The following SLC2A1 variants were observed in gnomAD, a reference collection of about 807,000 sequenced individuals.
The protein encoded by SLC2A1 is solute carrier family 2 member 1.
In SLC2A1, 4 loss-of-function variants were observed where a neutral mutation model predicts 46.6. That is an observed-to-expected ratio of 0.09 (90% confidence interval 0.04 to 0.20). The LOEUF (loss-of-function observed/expected upper bound fraction) is 0.20, where lower values mean the gene tolerates loss of function less well. Ranked by LOEUF, SLC2A1 falls within the 10% of genes least tolerant of loss-of-function variation. The pLI, the probability that SLC2A1 is intolerant of heterozygous loss-of-function variation, is 1.00. For synonymous variants in SLC2A1, 253 were observed against 270.0 expected (o/e 0.94, Z 0.62); for missense variants, 352 against 667.0 (o/e 0.53, Z 5.20).
At chr1:42,953,683 C>A (rs3768043) in intron 1 of SLC2A1, among the ~76,000 whole-genome samples, 95,557 of 152,062 alleles carry the variant, frequency 0.63, 32,907 homozygotes, top group Non-Finnish European at 0.78. Context: ...AGCTGGATGG[C>A]TGTACCCTTG....
intron 2 of SLC2A1, among the ~76,000 whole-genome samples, chr1:42,933,122 G>A (rs1018649568): frequency 6.6e-6 from 1 of 152,190 alleles, no homozygotes; most frequent in South Asian, 2.1e-4. Context: ...TCACAGTGCT[G>A]CAGGGAATCA....
intron 1 of SLC2A1, 149 bp from the exon 2 acceptor site, chr1:42,943,470 C>T (rs938204832): frequency 1.1e-5 from 8 of 726,278 alleles, no homozygotes; most frequent in African/African-American, 1.0e-4. Context: ...TGGCCAATTC[C>T]TGACCTTAGG....
intron 2 of SLC2A1, among the ~76,000 whole-genome samples, chr1:42,939,066 C>T (rs1643570922): frequency 1.3e-5 from 2 of 152,278 alleles, no homozygotes; most frequent in African/African-American, 4.8e-5. Flanking sequence ...GCATCTGGCA[C>T]AGCGTGGATG....
At chr1:42,941,151 C>T (rs558212880) in intron 2 of SLC2A1, among the ~76,000 whole-genome samples, 2 of 152,176 alleles carry the variant, frequency 1.3e-5, no homozygotes, top group African/African-American at 4.8e-5. Flanking sequence ...TAAGTCCGCC[C>T]CTCCATACCA....
At chr1:42,939,952 CAAAA>C (rs33944767) in intron 2 of SLC2A1, among the ~76,000 whole-genome samples, 5,765 of 91,582 alleles carry the variant, frequency 0.063, 549 homozygotes, top group African/African-American at 0.22. Flanking sequence ...GACTCCGTCT[CAAAA>C]AAAAAAAAAA....
At chr1:42,944,734 G>T (rs977736029) in intron 1 of SLC2A1, among the ~76,000 whole-genome samples, 18 of 152,200 alleles carry the variant, frequency 1.2e-4, no homozygotes, top group African/African-American at 4.3e-4. Flanking sequence ...AGCCCCCTCT[G>T]TGTGTGCGCT....
At chr1:42,946,074 C>T (rs1643652117) in intron 1 of SLC2A1, among the ~76,000 whole-genome samples, 1 of 152,108 alleles carries the variant, frequency 6.6e-6, no homozygotes, top group Admixed American at 6.5e-5. Flanking sequence ...TATCACAGGC[C>T]CTGTTTTACT....
intron 2 of SLC2A1, among the ~76,000 whole-genome samples, chr1:42,940,731 G>A (rs1031483050): frequency 2.6e-5 from 4 of 152,132 alleles, no homozygotes; most frequent in Non-Finnish European, 5.9e-5. Context: ...TACAGCGTGA[G>A]CCACATGCCC....
At chr1:42,953,844 G>T (rs2124473444) in intron 1 of SLC2A1, among the ~76,000 whole-genome samples, 1 of 152,344 alleles carries the variant, frequency 6.6e-6, no homozygotes, top group Middle Eastern at 3.4e-3. Context: ...CTCGGTACTA[G>T]ACAAGGATCA....
chr1:42,948,788 G>A (rs561376704), intron 1 of SLC2A1, among the ~76,000 whole-genome samples: 18 of 152,054 alleles, frequency 1.2e-4, no homozygotes, highest in Non-Finnish European at 1.0e-4. Flanking sequence ...AGTTGGAGCC[G>A]GGCACGGTGG....
At chr1:42,950,343 C>T (rs1056306377) in intron 1 of SLC2A1, among the ~76,000 whole-genome samples, 5 of 152,344 alleles carry the variant, frequency 3.3e-5, no homozygotes, top group East Asian at 1.9e-4. Flanking sequence ...AAAAGTTGAT[C>T]GGCCTCTGCT....
intron 1 of SLC2A1, among the ~76,000 whole-genome samples, chr1:42,947,640 T>A (rs558551319): frequency 1.4e-5 from 2 of 145,798 alleles, no homozygotes; most frequent in Non-Finnish European, 3.0e-5. Context: ...CTGTATCACC[T>A]GAGCCTGGGA....
At position 42,954,662 on chromosome 1, in the gene SLC2A1, C is replaced by T. The variant is rs895057871; in HGVS notation, c.18+3972G>A. Among the ~76,000 whole-genome samples, 2 of 152,182 alleles carry T rather than the reference C, an allele frequency of 1.3e-5. No homozygotes were observed. Among genetic ancestry groups the T allele is most frequent in the Non-Finnish European group, 2.9e-5 (2 of 68,022 alleles). ...GAGGGCTGGGCCATGGCTGGAAGGC[C>T]CCTCCTGCTCTGGGTTCCTTCCACC... On this transcript the variant is annotated intron_variant, in intron 1 of 9. Transcript: ENST00000426263. The surrounding 1 kb of genome is among the most constrained non-coding windows in gnomAD (Gnocchi z 4.2).
intron 2 of SLC2A1, among the ~76,000 whole-genome samples, chr1:42,934,473 G>A (rs948660697): frequency 3.9e-5 from 6 of 152,118 alleles, no homozygotes; most frequent in Admixed American, 3.3e-4. Flanking sequence ...TGCTGGTTCC[G>A]GTGCTCTGTG....
intron 1 of SLC2A1, among the ~76,000 whole-genome samples, chr1:42,953,581 G>A (rs997830747): frequency 6.6e-6 from 1 of 152,352 alleles, no homozygotes; most frequent in East Asian, 1.9e-4. Flanking sequence ...TGAGGTGGGG[G>A]AAGGGGTGAG....
chr1:42,926,696 G>C lies in SLC2A1; in HGVS notation c.*345C>G, dbSNP rs547016273. On this transcript the variant is annotated 3_prime_UTR_variant, in exon 10 of 10. Coordinates refer to ENST00000426263, the MANE Select transcript of SLC2A1 (RefSeq NM_006516.4). ...GCTGGGTGAAGAAGGCAAGTGTCTCGACAGGGCTTAGTCTCCACCCTCAGG... is the reference window on the plus strand; with the variant it reads ...GCTGGGTGAAGAAGGCAAGTGTCTCCACAGGGCTTAGTCTCCACCCTCAGG... 1.3e-5 allele frequency: 18 copies of C among 1,338,274 alleles called. No individual in the cohort carries two copies. Among genetic ancestry groups the C allele is most frequent in the Non-Finnish European group, 1.8e-5 (18 of 1,021,312 alleles). The allele number at this position is 1,338,274 out of a possible 1,614,324, so 82.9% of individuals were successfully genotyped here.
At chr1:42,936,174 C>T (rs371930036) in intron 2 of SLC2A1, among the ~76,000 whole-genome samples, 2 of 152,254 alleles carry the variant, frequency 1.3e-5, no homozygotes, top group East Asian at 1.9e-4. Flanking sequence ...AGCAGGGATC[C>T]CTGGGCCAGG....
chr1:42,945,294 T>TG (rs1331892206), intron 1 of SLC2A1, among the ~76,000 whole-genome samples: 2 of 152,104 alleles, frequency 1.3e-5, no homozygotes, highest in Non-Finnish European at 2.9e-5. Flanking sequence ...ATACATAACC[T>TG]GGGAGTTCGA....
chr1:42,948,745 A>C (rs1192854277), intron 1 of SLC2A1, among the ~76,000 whole-genome samples: 1 of 152,090 alleles, frequency 6.6e-6, no homozygotes, highest in African/African-American at 2.4e-5. Flanking sequence ...CTTGGCCAAC[A>C]CAGCAAAACC....
Sources: allele counts gnomAD v4.1 joint callset (sites outside exome capture counted in the v4.1 genomes callset), GRCh38; gene constraint gnomAD v4.1.1; non-coding constraint Gnocchi (gnomAD v3.1); transcripts MANE v1.5; gene names NCBI Gene and HGNC (gene_info 2026-07-23, HGNC 2026-07-21).